RAB11FIP4: variants seen among roughly 807,000 people sequenced by gnomAD.
The protein encoded by RAB11FIP4 is RAB11 family interacting protein 4, also known as rab11 family-interacting protein 4.
A neutral mutation model predicts 74.3 loss-of-function variants in RAB11FIP4; 23 were observed. The ratio of observed to expected loss-of-function variants is 0.31; its 90% CI spans 0.22 to 0.44. The LOEUF is 0.44. Among genes scored for constraint, RAB11FIP4 ranks in the 20% least tolerant of loss-of-function variants. RAB11FIP4 has a pLI of 1.00. For missense variants in RAB11FIP4, 630 were observed against 863.9 expected (o/e 0.73, Z 3.39); for synonymous variants, 360 against 359.9 (o/e 1.00, Z 0.00).
At chr17:31,466,677 C>T (rs1042463301) in intron 3 of RAB11FIP4, among the ~76,000 whole-genome samples, 3 of 152,134 alleles carry the variant, frequency 2.0e-5, no homozygotes, top group African/African-American at 7.2e-5. Flanking sequence ...CAGAAAAAGA[C>T]CCTCTGCACT....
At chr17:31,463,803 C>CCTTTT (rs2071655942) in intron 3 of RAB11FIP4, among the ~76,000 whole-genome samples, 1 of 32,822 alleles carries the variant, frequency 3.0e-5, no homozygotes, top group Non-Finnish European at 5.3e-5. Flanking sequence ...TGCGCCTGGA[C>CCTTTT]TTTTTTTTTT....
intron 3 of RAB11FIP4, among the ~76,000 whole-genome samples, chr17:31,438,410 A>G (rs1422569864): frequency 6.6e-6 from 1 of 152,000 alleles, no homozygotes; most frequent in East Asian, 1.9e-4. Context: ...TGTAGCCACC[A>G]CGCCAGCAAA....
At chr17:31,466,614 C>T (rs909147811) in intron 3 of RAB11FIP4, among the ~76,000 whole-genome samples, 5 of 152,172 alleles carry the variant, frequency 3.3e-5, no homozygotes, top group East Asian at 3.8e-4. Flanking sequence ...CCTGCCTGGG[C>T]GTCTACCGCC....
intron 3 of RAB11FIP4, among the ~76,000 whole-genome samples, chr17:31,471,923 G>A (rs1264279255): frequency 2.0e-5 from 3 of 152,082 alleles, no homozygotes. Flanking sequence ...AGCACTTTGG[G>A]AGGCAGAGGT....
chr17:31,446,144 G>A (rs2071461924), intron 3 of RAB11FIP4, among the ~76,000 whole-genome samples: 1 of 151,620 alleles, frequency 6.6e-6, no homozygotes, highest in Non-Finnish European at 1.5e-5. Context: ...GGTCCTTTGG[G>A]GTACTGCAAC....
At chr17:31,493,647 C>T (rs1461930527) in intron 3 of RAB11FIP4, among the ~76,000 whole-genome samples, 2 of 152,176 alleles carry the variant, frequency 1.3e-5, no homozygotes, top group Non-Finnish European at 2.9e-5. Context: ...CACCCAATGC[C>T]TGTTTCCTTA....
intron 3 of RAB11FIP4, among the ~76,000 whole-genome samples, chr17:31,472,504 C>G (rs560625258): frequency 1.7e-4 from 26 of 152,338 alleles, no homozygotes; most frequent in African/African-American, 6.3e-4. Flanking sequence ...GAATCCCAGC[C>G]GCACACCAGG....
chr17:31,529,530 A>C (rs951171077), intron 13 of RAB11FIP4, among the ~76,000 whole-genome samples: 2 of 152,152 alleles, frequency 1.3e-5, no homozygotes, highest in Non-Finnish European at 2.9e-5. Flanking sequence ...AGTCTTTGAA[A>C]GTGTTGGGAT....
chr17:31,462,059 C>T (rs1011578126), intron 3 of RAB11FIP4, among the ~76,000 whole-genome samples: 4 of 152,006 alleles, frequency 2.6e-5, no homozygotes, highest in Admixed American at 6.6e-5. Context: ...GTCAGGAGTT[C>T]GAGACCAGCC....
At chr17:31,520,155 T>C (rs2072635534) in intron 4 of RAB11FIP4, among the ~76,000 whole-genome samples, 1 of 150,694 alleles carries the variant, frequency 6.6e-6, no homozygotes, top group Non-Finnish European at 1.5e-5. Flanking sequence ...ACTATTTACA[T>C]AGCATTTACA....
At chr17:31,394,229 C>G (rs938518262) in intron 1 of RAB11FIP4, among the ~76,000 whole-genome samples, 1 of 152,226 alleles carries the variant, frequency 6.6e-6, no homozygotes, top group South Asian at 2.1e-4. Flanking sequence ...TCTGTCAGAC[C>G]TTTCCAGAGC....
chr17:31,474,739 G>T (rs1346601496), intron 3 of RAB11FIP4, among the ~76,000 whole-genome samples: 1 of 152,016 alleles, frequency 6.6e-6, no homozygotes, highest in African/African-American at 2.4e-5. Flanking sequence ...CTACTTGGGA[G>T]GCTAAGGCAG....
intron 1 of RAB11FIP4, among the ~76,000 whole-genome samples, chr17:31,413,704 C>T (rs879447859): frequency 1.6e-4 from 24 of 152,140 alleles, no homozygotes; most frequent in African/African-American, 4.8e-4. Context: ...CTCCCAAGCC[C>T]TCTGGGCTGT....
At chr17:31,523,340 G>C (rs1401263013) in intron 7 of RAB11FIP4, 172 bp from the exon 8 acceptor site, 12 of 650,912 alleles carry the variant, frequency 1.8e-5, no homozygotes, top group Non-Finnish European at 2.8e-5. Context: ...CATCCTCTGG[G>C]CGGGGTGATC....
chr17:31,523,308 G>A (rs1254441750), intron 7 of RAB11FIP4: 1 of 595,820 alleles, frequency 1.7e-6, no homozygotes, highest in East Asian at 2.8e-5. Flanking sequence ...GGGGACCCCG[G>A]GGGTCTGTAC....
chr17:31,415,602 G>A (rs2071139571), intron 1 of RAB11FIP4, among the ~76,000 whole-genome samples: 1 of 152,078 alleles, frequency 6.6e-6, no homozygotes, highest in South Asian at 2.1e-4. Context: ...CTTCAGAGCT[G>A]GAAGAGACAT....
At chr17:31,453,839 G>T (rs888482020) in intron 3 of RAB11FIP4, among the ~76,000 whole-genome samples, 55 of 151,590 alleles carry the variant, frequency 3.6e-4, no homozygotes, top group Middle Eastern at 3.4e-3. Context: ...AAAGTGCATG[G>T]AAGGCTCTCC....
At chr17:31,447,200 C>T (rs569811057) in intron 3 of RAB11FIP4, among the ~76,000 whole-genome samples, 26 of 152,332 alleles carry the variant, frequency 1.7e-4, no homozygotes, top group East Asian at 5.8e-4. Flanking sequence ...AGGAGAATGG[C>T]GTGAACCCGG....
At chr17:31,530,300 T>A (rs1377549950) in intron 13 of RAB11FIP4, 26 bp from the exon 14 acceptor site, 2 of 1,611,466 alleles carry the variant, frequency 1.2e-6, no homozygotes, top group Non-Finnish European at 1.7e-6. Context: ...TTGGGGTTGA[T>A]GTCGCCTTCG....
Sources: allele counts gnomAD v4.1 joint callset (sites outside exome capture counted in the v4.1 genomes callset), GRCh38; gene constraint gnomAD v4.1.1; transcripts MANE v1.5; gene names NCBI Gene and HGNC (gene_info 2026-07-23, HGNC 2026-07-21).